LINGO2: variants seen among roughly 807,000 people sequenced by gnomAD.
LINGO2 encodes the protein leucine-rich repeat and immunoglobulin-like domain-containing nogo receptor-interacting protein 2.
A neutral mutation model predicts 30.6 loss-of-function variants in LINGO2; 14 were observed. The observed-to-expected ratio is 0.46, with a 90% CI of 0.30 to 0.72. The LOEUF (loss-of-function observed/expected upper bound fraction) is 0.72, where lower values mean the gene tolerates loss of function less well. Among genes scored for constraint, LINGO2 ranks in the 30% least tolerant of loss-of-function variants. The pLI, the probability that LINGO2 is intolerant of heterozygous loss-of-function variation, is 0.07. For synonymous variants in LINGO2, 317 were observed against 288.5 expected (o/e 1.10, Z -1.00); for missense variants, 729 against 751.7 (o/e 0.97, Z 0.35).
chr9:28,709,252 T>C, the LINGO2 span, among the ~76,000 whole-genome samples: 2 of 152,118 alleles, frequency 1.3e-5, no homozygotes, highest in African/African-American at 4.8e-5. Flanking sequence ...TCTCATACTA[T>C]GTCAGTTAAA....
intron 1 of LINGO2, among the ~76,000 whole-genome samples, chr9:28,477,730 C>G (rs1365503535): frequency 6.6e-6 from 1 of 152,162 alleles, no homozygotes; most frequent in East Asian, 1.9e-4. Context: ...TGATCCCACG[C>G]TTGACACCTT....
chr9:28,466,955 C>T (rs1825331920), intron 2 of LINGO2, among the ~76,000 whole-genome samples: 1 of 151,864 alleles, frequency 6.6e-6, no homozygotes, highest in Admixed American at 6.6e-5. Context: ...TCCAAACTAA[C>T]TCTGCTGATG....
At chr9:28,933,235 T>G in the LINGO2 span, among the ~76,000 whole-genome samples, 1 of 152,106 alleles carries the variant, frequency 6.6e-6, no homozygotes, top group East Asian at 1.9e-4. Context: ...GTATTTTCCA[T>G]ACTATTGCCT....
chr9:28,111,422 G>T (rs1182711428), intron 4 of LINGO2, among the ~76,000 whole-genome samples: 2 of 151,644 alleles, frequency 1.3e-5, no homozygotes, highest in Admixed American at 6.6e-5. Flanking sequence ...AAAAAAAAAG[G>T]AAAACGAAGA....
chr9:28,539,092 A>G (rs1468925110), intron 1 of LINGO2, among the ~76,000 whole-genome samples: 1 of 152,074 alleles, frequency 6.6e-6, no homozygotes, highest in Non-Finnish European at 1.5e-5. Context: ...ATACCTAAAT[A>G]AAAGATATTC....
intron 1 of LINGO2, among the ~76,000 whole-genome samples, chr9:28,600,334 G>A (rs1372946650): frequency 1.3e-5 from 2 of 152,020 alleles, no homozygotes; most frequent in Non-Finnish European, 2.9e-5. Flanking sequence ...ATTACAACAT[G>A]ACAATATTGC....
At chr9:27,961,262 ATTGG>A (rs1819831792) in intron 5 of LINGO2, among the ~76,000 whole-genome samples, 2 of 152,310 alleles carry the variant, frequency 1.3e-5, no homozygotes, top group African/African-American at 4.8e-5. Context: ...TAATAGGTTC[ATTGG>A]GATGTGACCC....
chr9:28,585,627 G>C (rs1282272121), intron 1 of LINGO2, among the ~76,000 whole-genome samples: 1 of 151,994 alleles, frequency 6.6e-6, no homozygotes, highest in Non-Finnish European at 1.5e-5. Flanking sequence ...TAAGCTATTA[G>C]GCTAAGGTAT....
chr9:28,623,744 AT>A (rs1209990170), intron 1 of LINGO2, among the ~76,000 whole-genome samples: 2 of 151,892 alleles, frequency 1.3e-5, no homozygotes, highest in Non-Finnish European at 1.5e-5. Context: ...TGTCATTGGT[AT>A]TTTGATAGGA....
intron 3 of LINGO2, among the ~76,000 whole-genome samples, chr9:28,308,861 G>T (rs1410526382): frequency 6.6e-6 from 1 of 152,156 alleles, no homozygotes; most frequent in Non-Finnish European, 1.5e-5. Flanking sequence ...TCAGAGAAAT[G>T]CAAATCAAAA....
chr9:28,957,364 A>T, the LINGO2 span, among the ~76,000 whole-genome samples: 2 of 152,230 alleles, frequency 1.3e-5, no homozygotes, highest in African/African-American at 2.4e-5. Context: ...AAAGGGATGC[A>T]CATGAAATTT....
At chr9:28,153,595 G>T (rs1263060970) in intron 4 of LINGO2, among the ~76,000 whole-genome samples, 2 of 152,102 alleles carry the variant, frequency 1.3e-5, no homozygotes, top group East Asian at 3.8e-4. Context: ...TTCAACATTT[G>T]ACCAAAGTGA....
chr9:28,343,268 A>C (rs1328461409), intron 3 of LINGO2, among the ~76,000 whole-genome samples: 3 of 152,200 alleles, frequency 2.0e-5, no homozygotes, highest in Non-Finnish European at 2.9e-5. Context: ...ATAGTTTATG[A>C]CATAAATTGC....
At chr9:28,065,968 C>T (rs1204002964) in intron 4 of LINGO2, among the ~76,000 whole-genome samples, 1 of 152,084 alleles carries the variant, frequency 6.6e-6, no homozygotes, top group Admixed American at 6.6e-5. Flanking sequence ...ATAATGTTCT[C>T]TCTCTGTAGC....
chr9:29,001,689 C>G, the LINGO2 span, among the ~76,000 whole-genome samples: 1 of 151,994 alleles, frequency 6.6e-6, no homozygotes, highest in Non-Finnish European at 1.5e-5. Flanking sequence ...CCTTAATCCA[C>G]AGCAATTATT....
At chr9:28,769,815 A>G in the LINGO2 span, among the ~76,000 whole-genome samples, 1 of 151,472 alleles carries the variant, frequency 6.6e-6, no homozygotes, top group Admixed American at 6.6e-5. Context: ...TCATTTCCTA[A>G]AAGGATGTTA....
At chr9:29,126,691 G>C in the LINGO2 span, among the ~76,000 whole-genome samples, 1 of 151,918 alleles carries the variant, frequency 6.6e-6, no homozygotes, top group East Asian at 1.9e-4. Context: ...AAGGGGGAAA[G>C]AAAAAATACA....
chr9:28,849,527 C>T, the LINGO2 span, among the ~76,000 whole-genome samples: 1 of 151,962 alleles, frequency 6.6e-6, no homozygotes, highest in Non-Finnish European at 1.5e-5. Flanking sequence ...GACTTTATAT[C>T]TATATCCATA....
the LINGO2 span, among the ~76,000 whole-genome samples, chr9:28,951,984 C>A: frequency 6.6e-6 from 1 of 151,986 alleles, no homozygotes; most frequent in Non-Finnish European, 1.5e-5. Context: ...CAAATCAAAA[C>A]CACAATGAGA....
Sources: allele counts gnomAD v4.1 joint callset (sites outside exome capture counted in the v4.1 genomes callset), GRCh38; gene constraint gnomAD v4.1.1; transcripts MANE v1.5; gene names NCBI Gene and HGNC (gene_info 2026-07-23, HGNC 2026-07-21).